Variants in NPIPB6 observed in about 807,000 individuals in gnomAD.
The protein encoded by NPIPB6 is nuclear pore complex interacting protein family member B6, also known as nuclear pore complex-interacting protein family member B6.
In NPIPB6, 2 loss-of-function variants were observed where a neutral mutation model predicts 20.0. The observed-to-expected ratio is 0.10, with a 90% CI of 0.04 to 0.31. The LOEUF (loss-of-function observed/expected upper bound fraction) is 0.31, where lower values mean the gene tolerates loss of function less well. NPIPB6 is among the 10% of genes least tolerant of loss of function. The probability of loss-of-function intolerance (pLI) is 1.00; values close to 1 mark genes in which losing one functional copy is unlikely to be tolerated. For synonymous variants in NPIPB6, 35 were observed against 116.3 expected (o/e 0.30, Z 4.50); for missense variants, 96 against 293.7 (o/e 0.33, Z 4.92).
chr16:28,348,088 T>C (rs1481060985), intron 4 of NPIPB6, among the ~76,000 whole-genome samples: 2 of 107,532 alleles, frequency 1.9e-5, no homozygotes, highest in East Asian at 2.3e-4. Context: ...CTAGCCTGGG[T>C]GACAGAGTGA....
At chr16:28,361,784 G>GTA in intron 1 of NPIPB6, among the ~76,000 whole-genome samples, 1 of 133,720 alleles carries the variant, frequency 7.5e-6, no homozygotes, top group East Asian at 2.3e-4. Flanking sequence ...GTGTGTGTGT[G>GTA]TGTATCTATA....
rs541372390 is a variant in NPIPB6, at chr16:28,347,569, C to T, written c.599+1265G>A. ...CATGCCACTAGGCCTCAATTCATTG[C>T]TAAATATTTTTTAACAAGTATCTCA... On this transcript the variant is annotated intron_variant, in intron 4 of 6. Coordinates refer to ENST00000532254, the Ensembl canonical transcript of NPIPB6. Among the ~76,000 whole-genome samples the T allele has an allele frequency of 2.4e-4, 33 of 135,784 alleles. No individual in the cohort carries two copies. The East Asian group carries it at 6.8e-3, about 28-fold the overall frequency. The allele number at this position is 135,784 out of a possible 152,430, so 89.1% of individuals were successfully genotyped here.
chr16:28,346,385 A>G (rs1405118507), intron 4 of NPIPB6, among the ~76,000 whole-genome samples: 2 of 118,602 alleles, frequency 1.7e-5, no homozygotes, highest in East Asian at 2.5e-4. Context: ...ATCCTTCCAG[A>G]ATATGGTGTC....
chr16:28,350,546 C>T (rs1275670294), intron 2 of NPIPB6, among the ~76,000 whole-genome samples: 2 of 108,460 alleles, frequency 1.8e-5, no homozygotes, highest in African/African-American at 6.4e-5. Flanking sequence ...TCACAGTATG[C>T]TTTTAATCTT....
exon 7 of NPIPB6, chr16:28,342,579 GT>G (rs752881934): frequency 2.2e-6 from 3 of 1,382,842 alleles, no homozygotes; most frequent in East Asian, 5.2e-5. Flanking sequence ...GTTTTGTTTT[GT>G]TTTTTGATTT....
chr16:28,359,128 T>G (rs532178643), intron 1 of NPIPB6, among the ~76,000 whole-genome samples: 2 of 139,380 alleles, frequency 1.4e-5, no homozygotes, highest in Non-Finnish European at 3.0e-5. Flanking sequence ...TTCGGTTGTG[T>G]TGGTTGTAAA....
intron 1 of NPIPB6, among the ~76,000 whole-genome samples, chr16:28,362,046 T>TAG (rs1158724696): frequency 2.1e-5 from 3 of 145,814 alleles, no homozygotes; most frequent in Admixed American, 1.4e-4. Context: ...TGAGTCATGT[T>TAG]AAAAAGTAGT....
intron 2 of NPIPB6, among the ~76,000 whole-genome samples, chr16:28,349,738 AT>A (rs1407252100): frequency 1.8e-5 from 2 of 111,158 alleles, no homozygotes; most frequent in Middle Eastern, 4.0e-3. Context: ...AAAATACAAA[AT>A]TAACCAGGCA....
At position 28,348,378 on chromosome 16, in the gene NPIPB6, G is replaced by A. The variant is rs1225930483; in HGVS notation, c.599+456C>T. On this transcript the variant is annotated intron_variant, in intron 4 of 6. Coordinates refer to ENST00000532254, the Ensembl canonical transcript of NPIPB6. ...GTGGATTACCTGAGGTCAGAAGTTC[G>A]AGACCAGCCTGGACAACATGGTGAA... is the stretch of plus-strand genomic sequence containing the variant. Among the ~76,000 whole-genome samples the A allele has an allele frequency of 1.9e-5, 2 of 103,206 alleles. 1 individual carries two copies. The highest frequency in any genetic ancestry group is 4.3e-5 in the Non-Finnish European group (2 of 46,746). The allele number at this position is 103,206 out of a possible 152,430, so 67.7% of individuals were successfully genotyped here. A position where few individuals can be genotyped will look rare whatever the true frequency, so the allele number is the denominator to read the frequency against.
At chr16:28,361,999 G>A (rs1441566110) in intron 1 of NPIPB6, among the ~76,000 whole-genome samples, 2 of 145,430 alleles carry the variant, frequency 1.4e-5, no homozygotes, top group Admixed American at 6.9e-5. Context: ...CAAAATTATA[G>A]AACATATATA....
intron 1 of NPIPB6, among the ~76,000 whole-genome samples, chr16:28,358,799 T>C (rs2045363807): frequency 7.2e-6 from 1 of 138,310 alleles, no homozygotes; most frequent in African/African-American, 2.8e-5. Flanking sequence ...CAGCCCTAGA[T>C]TTGGCTGGGC....
chr16:28,361,770 ATGTGTG>A (rs1462242029), intron 1 of NPIPB6, among the ~76,000 whole-genome samples: 3 of 72,764 alleles, frequency 4.1e-5, no homozygotes, highest in Admixed American at 1.5e-4. Flanking sequence ...GTGTGTGTGT[ATGTGTG>A]TGTGTGTGTG....
chr16:28,360,460 T>C (rs1011545975), intron 1 of NPIPB6, among the ~76,000 whole-genome samples: 4 of 130,558 alleles, frequency 3.1e-5, no homozygotes, highest in Middle Eastern at 3.8e-3. Flanking sequence ...CTCTGTTTCA[T>C]CATGCTGGTG....
At chr16:28,346,821 TGAC>T (rs2045092920) in intron 4 of NPIPB6, 1 of 35,600 alleles carries the variant, frequency 2.8e-5, no homozygotes, top group Admixed American at 4.4e-4. Flanking sequence ...AACTTGTTTC[TGAC>T]CACAGGGCAT....
intron 1 of NPIPB6, among the ~76,000 whole-genome samples, chr16:28,359,082 G>A: frequency 8.1e-6 from 1 of 122,896 alleles, no homozygotes; most frequent in Non-Finnish European, 1.6e-5. Flanking sequence ...ATGAGACTCT[G>A]TCTCAAAAAG....
chr16:28,342,530 T>C (rs2044994245), downstream of NPIPB6: 1 of 931,058 alleles, frequency 1.1e-6, no homozygotes, highest in Admixed American at 2.7e-5. Context: ...ATTTTTATAT[T>C]ATTTATTTAT....
intron 2 of NPIPB6, among the ~76,000 whole-genome samples, chr16:28,349,912 A>AT (rs2045188701): frequency 9.5e-6 from 1 of 104,968 alleles, no homozygotes; most frequent in South Asian, 2.7e-4. Context: ...AAAAAAAAAA[A>AT]AAGAGCCCAG....
chr16:28,349,547 T>TCACA (rs71225064), intron 2 of NPIPB6, among the ~76,000 whole-genome samples: 594 of 57,526 alleles, frequency 0.01, 1 homozygote, highest in East Asian at 0.036. Context: ...TGAGACTCTG[T>TCACA]CACACACACA....
At chr16:28,358,936 G>T (rs2045367673) in intron 1 of NPIPB6, among the ~76,000 whole-genome samples, 1 of 147,102 alleles carries the variant, frequency 6.8e-6, no homozygotes, top group Non-Finnish European at 1.5e-5. Flanking sequence ...ACAAAAATTA[G>T]CCAGGCATGG....
Sources: allele counts gnomAD v4.1 joint callset (sites outside exome capture counted in the v4.1 genomes callset), GRCh38; gene constraint gnomAD v4.1.1; transcripts MANE v1.5; gene names NCBI Gene and HGNC (gene_info 2026-07-23, HGNC 2026-07-21).